Variants in CACNA1B observed in about 807,000 individuals in gnomAD.
CACNA1B encodes the protein voltage-dependent N-type calcium channel subunit alpha-1B.
In CACNA1B, 70 loss-of-function variants were observed where a neutral mutation model predicts 247.2. The ratio of observed to expected loss-of-function variants is 0.28; its 90% CI spans 0.23 to 0.35. The LOEUF (loss-of-function observed/expected upper bound fraction) is 0.35, where lower values mean the gene tolerates loss of function less well. Ranked by LOEUF, CACNA1B falls within the 10% of genes least tolerant of loss-of-function variation. CACNA1B has a pLI of 1.00. For synonymous variants in CACNA1B, 1,231 were observed against 1,294.4 expected (o/e 0.95, Z 1.05); for missense variants, 2,367 against 3,197.4 (o/e 0.74, Z 6.26).
intron 6 of CACNA1B, among the ~76,000 whole-genome samples, chr9:137,949,899 G>A (rs1469705002): frequency 4.6e-5 from 7 of 152,132 alleles, no homozygotes; most frequent in Admixed American, 6.5e-5. Context: ...TGAGTACCCC[G>A]TGGCCCAGCT....
rs139263171 is a variant in CACNA1B at position 137,894,420 on chromosome 9, T to TTTTA, written c.530+11541_530+11544dup. Among the ~76,000 whole-genome samples, 492 of 151,780 alleles carry TTTTA rather than the reference T, an allele frequency of 3.2e-3. 2 individuals are homozygous for TTTTA. Among genetic ancestry groups the TTTTA allele is most frequent in the Middle Eastern group, 0.024 (7 of 294 alleles). ...GTGGTTCTCTGCCATCTGCATATCC[T>TTTTA]TTTATTTTTTTTCAGATGGAGTCTC... On this transcript the variant is annotated intron_variant, in intron 3 of 46. Coordinates refer to ENST00000371372, the MANE Select transcript of CACNA1B (RefSeq NM_000718.4).
At position 138,028,458 on chromosome 9, in the gene CACNA1B, A is replaced by G. The variant is rs987017373; in HGVS notation, c.3286+3286A>G. On this transcript the variant is annotated intron_variant, in intron 20 of 46. Transcript: ENST00000371372. Reference sequence around the variant, plus strand: ...CATAATAGAACATAAAATGCTTCACATATTGTTTCCTGATTACCAGTTAAA... The same window carrying G: ...CATAATAGAACATAAAATGCTTCACGTATTGTTTCCTGATTACCAGTTAAA... 2.0e-5 allele frequency among the ~76,000 whole-genome samples: 3 copies of G among 152,364 alleles called. No individual in the cohort carries two copies. The East Asian group carries it at 5.8e-4, about 29-fold the overall frequency.
At chr9:138,031,158 C>G (rs1008949182) in intron 20 of CACNA1B, among the ~76,000 whole-genome samples, 3 of 152,044 alleles carry the variant, frequency 2.0e-5, no homozygotes, top group Non-Finnish European at 4.4e-5. Context: ...GTCTTTCCTT[C>G]TTTTCTGCTG....
In CACNA1B at chr9:138,102,758, C is replaced by G. The variant is rs1424160364; in HGVS notation, c.5270C>G (p.Ser1757Cys). ...ATGTTTGAGATGCTGAAACACATGT[C>G]CCCGCCTCTGGGGCTGGGGAAGAAA... ...NDMFEMLKHM[S>C]PPLGLGKKCP... is the part of the protein sequence containing the mutation. The change falls in exon 38 of 47, where the codon TCC becomes TGC. Residue 1757 changes from serine to cysteine, a missense_variant. Ser to Cys is a moderately radical substitution (Grantham distance 112, BLOSUM62 -1). Transcript: ENST00000371372. The surrounding 1 kb of genome is among the most constrained non-coding windows in gnomAD (Gnocchi z 5.4). 1 of 1,613,064 alleles carries G rather than the reference C, an allele frequency of 6.2e-7. No individual in the cohort carries two copies. The highest frequency in any genetic ancestry group is 1.3e-5 in the African/African-American group (1 of 74,882).
chr9:138,064,974 GC>G (rs769946087), intron 31 of CACNA1B, among the ~76,000 whole-genome samples: 2 of 152,220 alleles, frequency 1.3e-5, no homozygotes, highest in Non-Finnish European at 2.9e-5. Context: ...TTTCTAGCAT[GC>G]CTACCTCTCT....
chr9:138,058,469 G>T lies in CACNA1B; in HGVS notation c.4309-100G>T. On this transcript the variant is annotated intron_variant, in intron 28 of 46. Coordinates refer to ENST00000371372, the MANE Select transcript of CACNA1B (RefSeq NM_000718.4). The surrounding 1 kb of genome is among the most constrained non-coding windows in gnomAD (Gnocchi z 4.7). ...TGCTTCAATTTGTCTTCTGTTGTCA[G>T]GGCTCCCTGTGAGGCCTGGCGAGAC... 8.7e-7 allele frequency: 1 copy of T among 1,150,960 alleles called. No individual in the cohort carries two copies. Among genetic ancestry groups the T allele is most frequent in the African/African-American group, 1.5e-5 (1 of 64,738 alleles). The allele number at this position is 1,150,960 out of a possible 1,614,324, so 71.3% of individuals were successfully genotyped here. A position where few individuals can be genotyped will look rare whatever the true frequency, so the allele number is the denominator to read the frequency against.
chr9:138,030,786 G>T (rs755841774), intron 20 of CACNA1B, among the ~76,000 whole-genome samples: 6 of 152,128 alleles, frequency 3.9e-5, no homozygotes, highest in Non-Finnish European at 8.8e-5. Context: ...ATGAGTTGTA[G>T]TAGTTTGTGC....
Position 137,954,887 on chromosome 9 carries a change from A to T in CACNA1B, c.1071-811A>T, listed in dbSNP as rs1415840997. On this transcript the variant is annotated intron_variant, in intron 7 of 46. Transcript: ENST00000371372. The surrounding 1 kb of genome is among the most constrained non-coding windows in gnomAD (Gnocchi z 4.1). Reference sequence around the variant, plus strand: ...GTGTGTGTGTGTGTGTGTGAGAGAGAGAGAGAGAGAGAGAGGGGGAGAGAG... The same window carrying T: ...GTGTGTGTGTGTGTGTGTGAGAGAGTGAGAGAGAGAGAGAGGGGGAGAGAG... Among the ~76,000 whole-genome samples, 330 of 88,068 alleles carry T rather than the reference A, an allele frequency of 3.7e-3. 4 individuals carry two copies. Among genetic ancestry groups the T allele is most frequent in the African/African-American group, 0.027 (266 of 9,990 alleles). 57.8% of individuals were successfully genotyped at this position (88,068 alleles called of 152,430 possible). A position where few individuals can be genotyped will look rare whatever the true frequency, so the allele number is the denominator to read the frequency against.
chr9:137,885,052 C>T (rs1956990852), intron 3 of CACNA1B, among the ~76,000 whole-genome samples: 1 of 139,582 alleles, frequency 7.2e-6, no homozygotes. Context: ...TGTCTCTCTG[C>T]CTCTCCCTCT....
intron 38 of CACNA1B, among the ~76,000 whole-genome samples, chr9:138,104,603 A>G (rs1287878412): frequency 1.3e-5 from 2 of 151,940 alleles, no homozygotes; most frequent in Non-Finnish European, 2.9e-5. Context: ...TTGCATCCAC[A>G]CCCCACTAGC....
rs985386377 is a variant in CACNA1B at position 137,882,250 on chromosome 9, C to T, written c.391-494C>T. ...AGAGGCTGCTGTGGCCTCTGCCTGG[C>T]TCCTGGGCATCTCTGTGCCTCTGTC... On this transcript the variant is annotated intron_variant, in intron 2 of 46. Coordinates refer to ENST00000371372, the MANE Select transcript of CACNA1B (RefSeq NM_000718.4). This position sits in a 1 kb window ranked among gnomAD's most constrained non-coding sequence, Gnocchi z 4.0. 2.6e-5 allele frequency among the ~76,000 whole-genome samples: 4 copies of T among 152,328 alleles called. No homozygotes were observed. The East Asian group carries it at 5.8e-4, about 22-fold the overall frequency.
intron 10 of CACNA1B, among the ~76,000 whole-genome samples, chr9:137,965,737 C>G (rs1958068217): frequency 1.3e-5 from 2 of 152,104 alleles, no homozygotes; most frequent in Non-Finnish European, 2.9e-5. Flanking sequence ...AGGCACCCAC[C>G]ACCACGCCCA....
intron 35 of CACNA1B, 36 bp downstream of exon 35, chr9:138,075,946 C>A: frequency 1.5e-6 from 2 of 1,369,198 alleles, no homozygotes; most frequent in South Asian, 1.2e-5. Flanking sequence ...AATGTCTGCT[C>A]TTCCGTCGGG....
intron 39 of CACNA1B, among the ~76,000 whole-genome samples, chr9:138,111,725 T>G (rs1463940072): frequency 1.4e-5 from 2 of 147,578 alleles, no homozygotes; most frequent in Non-Finnish European, 3.0e-5. Flanking sequence ...TCCCTAACCC[T>G]CCTGCCCACC....
intron 3 of CACNA1B, among the ~76,000 whole-genome samples, chr9:137,909,668 C>A (rs1957339161): frequency 6.6e-6 from 1 of 152,186 alleles, no homozygotes; most frequent in African/African-American, 2.4e-5. Flanking sequence ...ATGAGCGTTG[C>A]TGTCTAAGTA....
chr9:137,984,634 T>G (rs1958334988), intron 13 of CACNA1B, among the ~76,000 whole-genome samples: 1 of 152,302 alleles, frequency 6.6e-6, no homozygotes, highest in Middle Eastern at 3.4e-3. Context: ...CAAGTCTGCC[T>G]ACCTCCCCTG....
At chr9:137,892,662 A>T in intron 3 of CACNA1B, 1 of 336,934 alleles carries the variant, frequency 3.0e-6, no homozygotes, top group Non-Finnish European at 5.8e-6. Context: ...GTCCCCCAGC[A>T]CAGGGCAGCC....
chr9:137,971,674 TA>T lies in CACNA1B; in HGVS notation c.1543+83del. ...GAAACCCTGGTCCATGCCCTGGGGC[TA>T]CCCCAGGTGGGACGGGACCCACCCC... On this transcript the variant is annotated intron_variant, in intron 11 of 46. Transcript: ENST00000371372. This position sits in a 1 kb window ranked among gnomAD's most constrained non-coding sequence, Gnocchi z 4.4. 8.1e-7 allele frequency: 1 copy of T among 1,230,006 alleles called. No homozygotes were observed. Among genetic ancestry groups the T allele is most frequent in the Non-Finnish European group, 1.2e-6 (1 of 861,594 alleles). The allele number at this position is 1,230,006 out of a possible 1,614,324, so 76.2% of individuals were successfully genotyped here.
Position 138,010,221 on chromosome 9 carries a change from A to T in CACNA1B, c.2160+144A>T. 7.9e-6 allele frequency: 5 copies of T among 628,982 alleles called. No individual in the cohort carries two copies. Among genetic ancestry groups the T allele is most frequent in the Non-Finnish European group, 1.1e-5 (4 of 349,158 alleles). The allele number at this position is 628,982 out of a possible 1,614,324, so 39.0% of individuals were successfully genotyped here. On this transcript the variant is annotated intron_variant, in intron 17 of 46. Coordinates refer to ENST00000371372, the MANE Select transcript of CACNA1B (RefSeq NM_000718.4). This position sits in a 1 kb window ranked among gnomAD's most constrained non-coding sequence, Gnocchi z 5.3. ...GCGGGCAGAGGCTGGTCTGTCACTC[A>T]GGGGCTGGAGGCTGGAGCTGAGGAT...
Sources: gnomAD v4.1 joint callset for allele counts (sites outside exome capture counted in the v4.1 genomes callset) on GRCh38, gnomAD v4.1.1 for gene constraint, Gnocchi (gnomAD v3.1) non-coding constraint, MANE v1.5 for transcripts, NCBI Gene and HGNC (gene_info 2026-07-23, HGNC 2026-07-21) for gene names.